MYOM2: variants seen among roughly 807,000 people sequenced by gnomAD.
MYOM2 encodes the protein myomesin-2.
Under a neutral mutation model 187.6 loss-of-function variants are expected in MYOM2, and 254 were observed. The observed-to-expected ratio is 1.35, with a 90% CI of 1.22 to 1.50. MYOM2 has a LOEUF of 1.50. Among genes scored for constraint, MYOM2 ranks in the 40% most tolerant of loss-of-function variants. The pLI is 0.00. For missense variants in MYOM2, 2,796 were observed against 1,924.0 expected (o/e 1.45, Z -8.48); for synonymous variants, 981 against 753.8 (o/e 1.30, Z -4.94).
At chr8:2,120,044 A>C (rs1797373685) in intron 28 of MYOM2, among the ~76,000 whole-genome samples, 1 of 152,078 alleles carries the variant, frequency 6.6e-6, no homozygotes, top group African/African-American at 2.4e-5. Flanking sequence ...CCACTGAAGG[A>C]GGCAAGACAG....
At chr8:2,126,233 G>A (rs2116868976) in intron 31 of MYOM2, among the ~76,000 whole-genome samples, 1 of 152,284 alleles carries the variant, frequency 6.6e-6, no homozygotes, top group South Asian at 2.1e-4. Flanking sequence ...GGACAGAGGG[G>A]ACAGGCCCAG....
At chr8:2,063,175 G>C (rs1043601321) in intron 6 of MYOM2, among the ~76,000 whole-genome samples, 1 of 152,216 alleles carries the variant, frequency 6.6e-6, no homozygotes, top group Non-Finnish European at 1.5e-5. Flanking sequence ...AGAGCAATGA[G>C]ATAAACCCAC....
intron 1 of MYOM2, among the ~76,000 whole-genome samples, chr8:2,045,786 G>A (rs1818292755): frequency 6.6e-6 from 1 of 152,228 alleles, no homozygotes; most frequent in South Asian, 2.1e-4. Flanking sequence ...TCCGCTGATA[G>A]AGGCTGTGCC....
chr8:2,138,391 G>A (rs560110065), intron 32 of MYOM2, among the ~76,000 whole-genome samples: 1 of 152,202 alleles, frequency 6.6e-6, no homozygotes, highest in Non-Finnish European at 1.5e-5. Context: ...CTGCTGCGGG[G>A]TCAGCCTTCG....
At position 2,109,436 on chromosome 8, in the gene MYOM2, A is replaced by G. The variant is rs1345982947; in HGVS notation, c.3085A>G (p.Lys1029Glu). 7 of 1,610,690 alleles carry G rather than the reference A, an allele frequency of 4.3e-6. No individual in the cohort carries two copies. The African/African-American group carries it at 8.0e-5, about 18-fold the overall frequency. The change falls in exon 25 of 37, where the codon AAG becomes GAG. Residue 1029 changes from lysine to glutamate, a missense_variant. By Grantham distance (56) the Lys-to-Glu change is moderately conservative. Transcript: ENST00000262113. ...KSELAYEIFD[K>E]GRVRFWLQAE... is the part of the protein sequence containing the mutation. ...GGAATTAGCTTATGAGATTTTTGAT[A>G]AGGGGCGGGTTCGCTTCTGGCTCCA...
chr8:2,067,828 C>T (rs1424954564), intron 6 of MYOM2, among the ~76,000 whole-genome samples: 4 of 152,238 alleles, frequency 2.6e-5, no homozygotes, highest in Non-Finnish European at 4.4e-5. Flanking sequence ...CATTTCAATA[C>T]ACCCTTGAGT....
rs1037887608 is a variant in MYOM2 at position 2,052,876 on chromosome 8, A to T, written c.263+563A>T. On this transcript the variant is annotated intron_variant, in intron 3 of 36. Coordinates refer to ENST00000262113, the MANE Select transcript of MYOM2 (RefSeq NM_003970.4). ...AAAGAGTTGGGAAGGGATTCTATAA[A>T]TTGTCATGCTTTACATTTCAACAGA... Among the ~76,000 whole-genome samples the T allele has an allele frequency of 7.9e-5, 12 of 152,308 alleles. No individual in the cohort carries two copies. The South Asian group carries it at 1.0e-3, about 13-fold the overall frequency.
At chr8:2,097,327 T>C (rs1202745227) in intron 18 of MYOM2, among the ~76,000 whole-genome samples, 7 of 152,206 alleles carry the variant, frequency 4.6e-5, no homozygotes, top group Admixed American at 4.6e-4. Context: ...TTACAATGTC[T>C]AAATGTTCTC....
rs141286372 is a variant in MYOM2 at position 2,069,474 on chromosome 8, G to T, written c.770G>T (p.Arg257Leu). ...RRFRGDEEPFRSVGLPIGLPL... is the reference protein window; with the variant it reads ...RRFRGDEEPFLSVGLPIGLPL... The stretch of plus-strand genomic sequence containing the variant: ...TTCCGGGGAGACGAGGAACCATTCC[G>T]TTCGGTGGGACTCCCGATTGGATGT... Residue 257 changes from arginine (R) to leucine (L), a missense_variant, in exon 8 of 37, where the codon CGT (arginine) becomes CTT (leucine). Arg to Leu is a moderately radical substitution (Grantham distance 102, BLOSUM62 -2). Transcript: ENST00000262113. The T allele has an allele frequency of 1.2e-6, 2 of 1,614,192 alleles. No individual in the cohort carries two copies. Among genetic ancestry groups the T allele is most frequent in the Admixed American group, 1.7e-5 (1 of 60,034 alleles).
chr8:2,117,864 C>T, intron 27 of MYOM2, 21 bp from the exon 28 acceptor site: 1 of 1,586,302 alleles, frequency 6.3e-7, no homozygotes, highest in East Asian at 2.3e-5. Flanking sequence ...TATATGTTTT[C>T]TTCCCTTTTT....
intron 16 of MYOM2, 94 bp downstream of exon 16, chr8:2,092,614 G>A (rs1037698089): frequency 2.6e-5 from 35 of 1,339,296 alleles, no homozygotes; most frequent in Admixed American, 2.0e-4. Context: ...TACCATGGCC[G>A]CAAGGCTTCT....
chr8:2,112,279 A>G (rs1361727567), intron 25 of MYOM2, among the ~76,000 whole-genome samples: 1 of 152,146 alleles, frequency 6.6e-6, no homozygotes, highest in Non-Finnish European at 1.5e-5. Context: ...AAAACAGTAC[A>G]GTAAACACTC....
Position 2,078,743 on chromosome 8 carries a change from A to G in MYOM2, c.1272A>G (p.Val424=). ...TTTTTTTAACTTGAAGATGTGAAGT[A>G]GGAACGAATAATTGGGTGCAGTGCA... ...VMGYFVDRCE[V]GTNNWVQCND... The change falls in exon 12 of 37, where the codon GTA becomes GTG. Residue 424 remains valine (V), a synonymous_variant. Transcript: ENST00000262113. 3.1e-6 allele frequency: 5 copies of G among 1,614,178 alleles called. No homozygotes were observed. Among genetic ancestry groups the G allele is most frequent in the Non-Finnish European group, 2.5e-6 (3 of 1,180,014 alleles).
chr8:2,141,029 C>CT (rs1329353923), intron 33 of MYOM2, 112 bp from the exon 34 acceptor site: 5 of 1,318,840 alleles, frequency 3.8e-6, no homozygotes, highest in Non-Finnish European at 5.1e-6. Context: ...TAAATTTATT[C>CT]TTTTTTTATA....
chr8:2,102,771 G>T lies in MYOM2; in HGVS notation c.2724G>T (p.Glu908Asp). 1 of 1,613,226 alleles carries T rather than the reference G, an allele frequency of 6.2e-7. No individual in the cohort carries two copies. The highest frequency in any genetic ancestry group is 8.5e-7 in the Non-Finnish European group (1 of 1,179,204). ...ACACGTCGGAGCCTGTGCTGGTAGAGGCGAGACCAGGTAAGGCTTACAACA... is the reference window on the plus strand; with the variant it reads ...ACACGTCGGAGCCTGTGCTGGTAGATGCGAGACCAGGTAAGGCTTACAACA... ...PSDTSEPVLV[E>D]ARPGTKEISA... The change falls in exon 21 of 37, where the codon GAG becomes GAT. Residue 908 changes from glutamate (E) to aspartate (D), a missense_variant. Glu to Asp is a conservative substitution (Grantham distance 45, BLOSUM62 2). Transcript: ENST00000262113.
At chr8:2,142,948 G>T (rs1459238955) in intron 35 of MYOM2, among the ~76,000 whole-genome samples, 6 of 151,842 alleles carry the variant, frequency 4.0e-5, no homozygotes, top group Non-Finnish European at 7.4e-5. Flanking sequence ...TAGAGACAGG[G>T]TTTCATCATG....
At chr8:2,045,898 G>T (rs1479513972) in intron 1 of MYOM2, among the ~76,000 whole-genome samples, 3 of 152,228 alleles carry the variant, frequency 2.0e-5, no homozygotes, top group African/African-American at 7.2e-5. Context: ...GAAGGGGTTT[G>T]CCATCACTGG....
At position 2,103,125 on chromosome 8, in the gene MYOM2, T is replaced by C. The variant is rs887207054; in HGVS notation, c.2734+344T>C. ...CATGTATTATGTGTTCATGTATGGG[T>C]GGGTGGGTGTGTGTGTAAATGAATG... On this transcript the variant is annotated intron_variant, in intron 21 of 36. Coordinates refer to ENST00000262113, the MANE Select transcript of MYOM2 (RefSeq NM_003970.4). 6.7e-3 allele frequency among the ~76,000 whole-genome samples: 176 copies of C among 26,180 alleles called. 1 individual carries two copies. The highest frequency in any genetic ancestry group is 0.034 in the African/African-American group (173 of 5,096). 17.2% of individuals were successfully genotyped at this position (26,180 alleles called of 152,430 possible). A position where few individuals can be genotyped will look rare whatever the true frequency, so the allele number is the denominator to read the frequency against.
intron 17 of MYOM2, 146 bp downstream of exon 17, chr8:2,094,237 G>A: frequency 1.9e-6 from 2 of 1,056,030 alleles, no homozygotes; most frequent in Middle Eastern, 2.1e-4. Flanking sequence ...TTTCTTTGAA[G>A]CCTCTCGGTT....
Sources: gnomAD v4.1 joint callset for allele counts (sites outside exome capture counted in the v4.1 genomes callset) on GRCh38, gnomAD v4.1.1 for gene constraint, MANE v1.5 for transcripts, NCBI Gene and HGNC (gene_info 2026-07-23, HGNC 2026-07-21) for gene names.